The following CWC27 variants were observed in gnomAD, a reference collection of about 807,000 sequenced individuals.
CWC27 encodes CWC27 spliceosome associated cyclophilin.
Under a neutral mutation model 63.6 loss-of-function variants are expected in CWC27, and 47 were observed. The ratio of observed to expected loss-of-function variants is 0.74; its 90% CI spans 0.58 to 0.94. The LOEUF (loss-of-function observed/expected upper bound fraction) is 0.94. Ranked by LOEUF, CWC27 falls within the 40% of genes least tolerant of loss-of-function variation. The probability of loss-of-function intolerance (pLI) is 0.00; values close to 1 mark genes in which losing one functional copy is unlikely to be tolerated. For missense variants in CWC27, 495 were observed against 554.3 expected, an observed-to-expected ratio of 0.89 and a Z score of 1.07; for synonymous variants, 175 against 179.8, an observed-to-expected ratio of 0.97 and a Z score of 0.22.
chr5:65,001,753 T>G (rs549033348), intron 13 of CWC27, among the ~76,000 whole-genome samples: 2 of 152,268 alleles, frequency 1.3e-5, no homozygotes, highest in East Asian at 3.9e-4. Flanking sequence ...TGTATCTATG[T>G]TCATCACTGA....
At chr5:65,012,811 A>C (rs1490708286) in intron 13 of CWC27, among the ~76,000 whole-genome samples, 1 of 152,204 alleles carries the variant, frequency 6.6e-6, no homozygotes, top group Non-Finnish European at 1.5e-5. Flanking sequence ...AAATCAATCA[A>C]TCTGAAAGCA....
chr5:64,772,235 C>T (rs1019988081), intron 1 of CWC27, among the ~76,000 whole-genome samples: 1 of 152,136 alleles, frequency 6.6e-6, no homozygotes, highest in Non-Finnish European at 1.5e-5. Flanking sequence ...TGAGTGCATA[C>T]TTCAGTGGGT....
chr5:64,850,061 T>A (rs1204071648), intron 10 of CWC27, among the ~76,000 whole-genome samples: 1 of 151,976 alleles, frequency 6.6e-6, no homozygotes, highest in Non-Finnish European at 1.5e-5. Context: ...AAAATAATCT[T>A]AAAATTCATA....
intron 10 of CWC27, among the ~76,000 whole-genome samples, chr5:64,834,126 A>T (rs1745597485): frequency 6.6e-6 from 1 of 150,552 alleles, no homozygotes; most frequent in Non-Finnish European, 1.5e-5. Flanking sequence ...TTATATCATG[A>T]ATATTCAAAT....
At chr5:64,944,728 G>T (rs1748554227) in intron 11 of CWC27, among the ~76,000 whole-genome samples, 1 of 152,094 alleles carries the variant, frequency 6.6e-6, no homozygotes, top group South Asian at 2.1e-4. Context: ...TACCTGGTCA[G>T]CCACAATCAT....
At chr5:64,784,329 A>T (rs1743805988) in intron 4 of CWC27, among the ~76,000 whole-genome samples, 3 of 152,048 alleles carry the variant, frequency 2.0e-5, no homozygotes, top group African/African-American at 7.2e-5. Flanking sequence ...TTTACAGTTT[A>T]TTTTCTTAAT....
chr5:64,804,048 C>T (rs1376016506), intron 9 of CWC27, among the ~76,000 whole-genome samples, 181 bp from the exon 10 acceptor site: 1 of 151,784 alleles, frequency 6.6e-6, no homozygotes, highest in African/African-American at 2.4e-5. Context: ...AGAGCAGAAC[C>T]CAGGGCTATT....
intron 11 of CWC27, among the ~76,000 whole-genome samples, chr5:64,936,460 G>T (rs779758225): frequency 3.0e-4 from 45 of 152,156 alleles, no homozygotes; most frequent in Admixed American, 4.6e-4. Flanking sequence ...TGACTTGATC[G>T]TGGTGGATAA....
chr5:64,949,137 G>A (rs1395211634), intron 11 of CWC27, among the ~76,000 whole-genome samples: 2 of 151,366 alleles, frequency 1.3e-5, no homozygotes, highest in African/African-American at 4.9e-5. Context: ...TTTTTTTTAG[G>A]AACCTTGGGA....
At chr5:64,883,113 C>A (rs550378144) in intron 10 of CWC27, among the ~76,000 whole-genome samples, 1 of 152,262 alleles carries the variant, frequency 6.6e-6, no homozygotes, top group South Asian at 2.1e-4. Context: ...AGAATGAGTG[C>A]CAGCAGTGGA....
intron 11 of CWC27, 104 bp from the exon 12 acceptor site, chr5:64,971,599 A>T (rs1749125328): frequency 1.2e-6 from 1 of 801,696 alleles, no homozygotes; most frequent in African/African-American, 1.8e-5. Context: ...TGAAAAAGCA[A>T]GCCCAAGTGC....
intron 13 of CWC27, among the ~76,000 whole-genome samples, chr5:65,007,626 CTTTTTT>C (rs57750177): frequency 2.8e-5 from 3 of 108,138 alleles, no homozygotes. Flanking sequence ...TCATCATTTT[CTTTTTT>C]TTTTTTTTTT....
intron 11 of CWC27, among the ~76,000 whole-genome samples, chr5:64,897,156 C>T (rs1438750158): frequency 6.6e-6 from 1 of 152,088 alleles, no homozygotes; most frequent in East Asian, 1.9e-4. Flanking sequence ...TTGCAATGAG[C>T]CAAGATTGCT....
At chr5:64,895,871 TG>T (rs1423656997) in intron 11 of CWC27, among the ~76,000 whole-genome samples, 5 of 152,152 alleles carry the variant, frequency 3.3e-5, no homozygotes, top group African/African-American at 4.8e-5. Flanking sequence ...TAAAAAATCA[TG>T]TAGAACTCAG....
intron 11 of CWC27, among the ~76,000 whole-genome samples, chr5:64,940,335 C>T (rs559444195): frequency 2.0e-5 from 3 of 152,278 alleles, no homozygotes; most frequent in East Asian, 3.9e-4. Context: ...CCTCACGGCA[C>T]AGTCCCTCAG....
At chr5:64,786,109 G>A (rs1743873462) in intron 5 of CWC27, among the ~76,000 whole-genome samples, 1 of 145,442 alleles carries the variant, frequency 6.9e-6, no homozygotes, top group African/African-American at 2.6e-5. Flanking sequence ...AGGTTGCAGT[G>A]AGCCAAGATC....
chr5:64,958,397 A>C (rs746680885), intron 11 of CWC27, among the ~76,000 whole-genome samples: 1 of 152,112 alleles, frequency 6.6e-6, no homozygotes, highest in Non-Finnish European at 1.5e-5. Flanking sequence ...TCCAAACCTC[A>C]GTTTTTTTAT....
At chr5:64,865,546 C>T (rs545718662) in intron 10 of CWC27, among the ~76,000 whole-genome samples, 27 of 152,010 alleles carry the variant, frequency 1.8e-4, no homozygotes, top group East Asian at 5.8e-4. Flanking sequence ...TGATTGGAAA[C>T]GGTGATGTCA....
chr5:64,797,740 C>A (rs1304741311), intron 7 of CWC27, among the ~76,000 whole-genome samples: 1 of 152,078 alleles, frequency 6.6e-6, no homozygotes, highest in Non-Finnish European at 1.5e-5. Flanking sequence ...AACTTAAAAT[C>A]GCTCTTAGTG....
Sources: gnomAD v4.1 joint callset for allele counts (sites outside exome capture counted in the v4.1 genomes callset) on GRCh38, gnomAD v4.1.1 for gene constraint, MANE v1.5 for transcripts, NCBI Gene and HGNC (gene_info 2026-07-23, HGNC 2026-07-21) for gene names.